The following GNPDA2 variants were observed in gnomAD, a reference collection of about 807,000 sequenced individuals.
GNPDA2 encodes glucosamine-6-phosphate deaminase 2.
A neutral mutation model predicts 27.0 loss-of-function variants in GNPDA2; 24 were observed. The observed-to-expected ratio is 0.89, with a 90% CI of 0.64 to 1.25. The LOEUF (loss-of-function observed/expected upper bound fraction) is 1.25. Among genes scored for constraint, GNPDA2 ranks in the 50% most tolerant of loss-of-function variants. The pLI, the probability that GNPDA2 is intolerant of heterozygous loss-of-function variation, is 0.00. For missense variants in GNPDA2, 286 were observed against 335.1 expected (o/e 0.85, Z 1.14); for synonymous variants, 94 against 108.4 (o/e 0.87, Z 0.83).
At position 44,721,662 on chromosome 4, in the gene GNPDA2, A is replaced by C. The variant is rs186588622; in HGVS notation, c.124+422T>G. Among the ~76,000 whole-genome samples, 97 of 152,052 alleles carry C rather than the reference A, an allele frequency of 6.4e-4. No homozygotes were observed. The East Asian group carries it at 0.014, about 22-fold the overall frequency. On this transcript the variant is annotated intron_variant, in intron 2 of 6. Coordinates refer to ENST00000295448, the MANE Select transcript of GNPDA2 (RefSeq NM_138335.3). Reference sequence around the variant, plus strand: ...TATATAATTTATAACTTCTATATTAATAAGGATTTATAAGGCAGGTGAAGT... The same window carrying C: ...TATATAATTTATAACTTCTATATTACTAAGGATTTATAAGGCAGGTGAAGT...
chr4:44,703,211 C>G, intron 6 of GNPDA2, 69 bp from the exon 7 acceptor site: 1 of 1,545,814 alleles, frequency 6.5e-7, no homozygotes, highest in Non-Finnish European at 8.7e-7. Context: ...CTTTAGACAA[C>G]AAAGTATTTT....
intron 6 of GNPDA2, chr4:44,703,976 G>A: frequency 1.0e-6 from 1 of 985,072 alleles, no homozygotes; most frequent in Non-Finnish European, 1.2e-6. Flanking sequence ...GGTGGGGAAA[G>A]GCACTTAATG....
At chr4:44,718,482 C>A in intron 2 of GNPDA2, 72 bp from the exon 3 acceptor site, 1 of 454,722 alleles carries the variant, frequency 2.2e-6, no homozygotes, top group Non-Finnish European at 3.9e-6. Context: ...ATTAACTTTA[C>A]CTGTGTTTTT....
At chr4:44,713,950 G>T (rs73181473) in intron 4 of GNPDA2, among the ~76,000 whole-genome samples, 4,350 of 152,124 alleles carry the variant, frequency 0.029, 200 homozygotes, top group African/African-American at 0.1. Context: ...AGATTTTATT[G>T]TAAAACTAGA....
chr4:44,714,315 T>G, intron 4 of GNPDA2: 1 of 985,286 alleles, frequency 1.0e-6, no homozygotes, highest in Non-Finnish European at 1.2e-6. Context: ...GTATATCTTA[T>G]TGCTGGGGTT....
chr4:44,720,505 T>C (rs1417627743), intron 2 of GNPDA2, among the ~76,000 whole-genome samples: 1 of 152,130 alleles, frequency 6.6e-6, no homozygotes, highest in African/African-American at 2.4e-5. Flanking sequence ...GGAATAAGTT[T>C]TGGGAAGCAG....
chr4:44,720,397 GAAAGC>G (rs150243758), intron 2 of GNPDA2, among the ~76,000 whole-genome samples: 7 of 152,180 alleles, frequency 4.6e-5, no homozygotes, highest in African/African-American at 1.2e-4. Context: ...GAATATGAGT[GAAAGC>G]AAAGCAAAGC....
At chr4:44,710,488 T>C (rs371107348) in intron 5 of GNPDA2, among the ~76,000 whole-genome samples, 50 of 152,284 alleles carry the variant, frequency 3.3e-4, no homozygotes, top group African/African-American at 9.9e-4. Flanking sequence ...TGTAGAACAG[T>C]TGCAGCCCTA....
chr4:44,706,480 G>A (rs1716614296), intron 6 of GNPDA2: 1 of 151,924 alleles, frequency 6.6e-6, no homozygotes, highest in South Asian at 2.1e-4. Context: ...ACTATTTTCA[G>A]TGCTTGCCAA....
rs1716312207 is a variant in GNPDA2, at chr4:44,702,185, G to A, written c.*896C>T. 2 of 866,726 alleles carry A rather than the reference G, an allele frequency of 2.3e-6. No homozygotes were observed. Among genetic ancestry groups the A allele is most frequent in the Non-Finnish European group, 1.4e-6 (1 of 720,982 alleles). The allele number at this position is 866,726 out of a possible 1,614,324, so 53.7% of individuals were successfully genotyped here. A position where few individuals can be genotyped will look rare whatever the true frequency, so the allele number is the denominator to read the frequency against. On this transcript the variant is annotated 3_prime_UTR_variant, in exon 7 of 7. Coordinates refer to ENST00000295448, the MANE Select transcript of GNPDA2 (RefSeq NM_138335.3). ...TATTACACGCTTTATTTGAGTTAAA[G>A]ATAAAAAACAATATACTTTTATGTA... is the stretch of plus-strand genomic sequence containing the variant.
intron 3 of GNPDA2, 23 bp downstream of exon 3, chr4:44,718,286 C>A: frequency 2.3e-6 from 2 of 875,384 alleles, no homozygotes; most frequent in South Asian, 3.3e-5. Context: ...AAATAATGGT[C>A]AATATATTTA....
chr4:44,704,105 C>G, intron 6 of GNPDA2: 2 of 984,928 alleles, frequency 2.0e-6, no homozygotes, highest in South Asian at 4.7e-5. Flanking sequence ...GAGAAAGACC[C>G]ACTTTTAAGG....
chr4:44,722,349 C>T (rs1717726384), intron 1 of GNPDA2, 107 bp from the exon 2 acceptor site: 1 of 776,984 alleles, frequency 1.3e-6, no homozygotes, highest in Non-Finnish European at 2.0e-6. Context: ...ACAGAATATA[C>T]TGATGATTTT....
intron 4 of GNPDA2, among the ~76,000 whole-genome samples, chr4:44,715,072 A>C (rs1717201974): frequency 6.6e-6 from 1 of 152,132 alleles, no homozygotes; most frequent in African/African-American, 2.4e-5. Flanking sequence ...CATCTATTTC[A>C]AAAGGAGAAC....
intron 4 of GNPDA2, chr4:44,714,211 G>A (rs958249530): frequency 1.5e-6 from 1 of 654,972 alleles, no homozygotes; most frequent in African/African-American, 2.0e-5. Context: ...CCAACCTCAG[G>A]TGATCTGCGC....
chr4:44,719,932 G>A (rs1280918269), intron 2 of GNPDA2, among the ~76,000 whole-genome samples: 1 of 151,938 alleles, frequency 6.6e-6, no homozygotes, highest in Admixed American at 6.6e-5. Flanking sequence ...ACAATATAGG[G>A]ATAAGCAAGT....
intron 5 of GNPDA2, among the ~76,000 whole-genome samples, chr4:44,709,125 G>A (rs1716806152): frequency 6.6e-6 from 1 of 152,016 alleles, no homozygotes; most frequent in South Asian, 2.1e-4. Context: ...GGGACAGGTG[G>A]CAAGAAATCT....
intron 3 of GNPDA2, 86 bp from the exon 4 acceptor site, chr4:44,717,381 T>A (rs1271483548): frequency 7.3e-6 from 5 of 687,454 alleles, no homozygotes; most frequent in Non-Finnish European, 1.2e-5. Context: ...TGCTATTTAA[T>A]AAATCTAACT....
chr4:44,705,208 C>A, intron 6 of GNPDA2: 1 of 981,140 alleles, frequency 1.0e-6, no homozygotes, highest in African/African-American at 1.7e-5. Flanking sequence ...TAGGAATTTA[C>A]ATCCTCCAGT....
Sources: allele counts gnomAD v4.1 joint callset (sites outside exome capture counted in the v4.1 genomes callset), GRCh38; gene constraint gnomAD v4.1.1; transcripts MANE v1.5; gene names NCBI Gene and HGNC (gene_info 2026-07-23, HGNC 2026-07-21).